EXOC2: variants seen among roughly 807,000 people sequenced by gnomAD.
EXOC2 encodes the protein exocyst complex component 2, also known as SEC5-like 1.
EXOC2 carries 70 observed loss-of-function variants against 131.8 expected under a neutral mutation model. That is an observed-to-expected ratio of 0.53 (90% CI 0.44 to 0.65). The LOEUF is 0.65. EXOC2 is among the 30% of genes least tolerant of loss of function. The pLI is 0.00. For missense variants in EXOC2, 923 were observed against 1,108.6 expected (o/e 0.83, Z 2.38); for synonymous variants, 411 against 398.4 (o/e 1.03, Z -0.38).
chr6:528,716 A>C (rs535012383), intron 23 of EXOC2, among the ~76,000 whole-genome samples: 3 of 152,358 alleles, frequency 2.0e-5, no homozygotes, highest in African/African-American at 7.2e-5. Context: ...TCACACAGCC[A>C]GAAGAATCTT....
Position 658,631 on chromosome 6 carries a change from T to A in EXOC2, c.-43-20770A>T, listed in dbSNP as rs533252487. On this transcript the variant is annotated intron_variant, in intron 1 of 27. Transcript: ENST00000230449. Reference sequence around the variant, plus strand: ...CAAGATAATTTCAGGATATTTAAAATATATATATATATTTTATATATATAT... The same window carrying A: ...CAAGATAATTTCAGGATATTTAAAAAATATATATATATTTTATATATATAT... Among the ~76,000 whole-genome samples, 12 of 129,546 alleles carry A rather than the reference T, an allele frequency of 9.3e-5. No individual in the cohort carries two copies. In the South Asian group the frequency reaches 2.2e-3, roughly 24 times the overall value. 85.0% of individuals were successfully genotyped at this position (129,546 alleles called of 152,430 possible). A position where few individuals can be genotyped will look rare whatever the true frequency, so the allele number is the denominator to read the frequency against.
intron 4 of EXOC2, among the ~76,000 whole-genome samples, chr6:629,621 A>G (rs1761743930): frequency 6.6e-6 from 1 of 152,228 alleles, no homozygotes; most frequent in Non-Finnish European, 1.5e-5. Context: ...CTGAAGAGGT[A>G]AAAGTAGTTT....
chr6:517,057 C>A (rs1421461787), intron 23 of EXOC2, among the ~76,000 whole-genome samples: 2 of 152,116 alleles, frequency 1.3e-5, no homozygotes, highest in African/African-American at 4.8e-5. Context: ...CTGCCACAGC[C>A]CGCCCAGCTG....
At chr6:678,702 C>T (rs1764263781) in intron 1 of EXOC2, among the ~76,000 whole-genome samples, 1 of 152,188 alleles carries the variant, frequency 6.6e-6, no homozygotes, top group South Asian at 2.1e-4. Context: ...CATGGGGCTC[C>T]AGGGCAACAG....
intron 22 of EXOC2, among the ~76,000 whole-genome samples, chr6:548,052 A>G (rs568807012): frequency 2.0e-5 from 3 of 152,224 alleles, no homozygotes; most frequent in Non-Finnish European, 2.9e-5. Flanking sequence ...TGTTATATAA[A>G]AACAAAGCAA....
chr6:573,008 G>A (rs968925803), intron 12 of EXOC2, among the ~76,000 whole-genome samples: 4 of 152,280 alleles, frequency 2.6e-5, no homozygotes, highest in South Asian at 2.1e-4. Flanking sequence ...AAAAAGTCCC[G>A]CCTTCTAACA....
In EXOC2 at chr6:660,414, A is replaced by C. The variant is rs566856033; in HGVS notation, c.-43-22553T>G. Among the ~76,000 whole-genome samples the C allele has an allele frequency of 2.0e-5, 3 of 152,200 alleles. No homozygotes were observed. In the South Asian group the frequency reaches 6.2e-4, roughly 32 times the overall value. On this transcript the variant is annotated intron_variant, in intron 1 of 27. Coordinates refer to ENST00000230449, the MANE Select transcript of EXOC2 (RefSeq NM_018303.6). ...GTCCATTGCACCCTCCGCCACCTCC[A>C]CTGGAACAGGCGCTGATATTCACAT...
chr6:521,140 C>T (rs1765440660), intron 23 of EXOC2, among the ~76,000 whole-genome samples: 2 of 148,850 alleles, frequency 1.3e-5, no homozygotes, highest in Admixed American at 6.7e-5. Flanking sequence ...CGAGTGCCTA[C>T]ACTCACTGTC....
intron 1 of EXOC2, among the ~76,000 whole-genome samples, chr6:652,432 A>G (rs1762876245): frequency 6.6e-6 from 1 of 152,200 alleles, no homozygotes; most frequent in Non-Finnish European, 1.5e-5. Context: ...TTTTATCACC[A>G]AATCTAGTAG....
intron 7 of EXOC2, among the ~76,000 whole-genome samples, chr6:603,264 A>G (rs1760201745): frequency 6.6e-6 from 1 of 152,216 alleles, no homozygotes; most frequent in African/African-American, 2.4e-5. Context: ...GGTGCCTGGA[A>G]TATCAGAGTA....
At chr6:687,526 G>A (rs1209244541) in intron 1 of EXOC2, among the ~76,000 whole-genome samples, 2 of 152,100 alleles carry the variant, frequency 1.3e-5, no homozygotes, top group Non-Finnish European at 1.5e-5. Context: ...CCGTCAAGAT[G>A]ATTTGCGATA....
chr6:491,151 C>G lies in EXOC2; in HGVS notation c.2595G>C (p.Val865=). The stretch of plus-strand genomic sequence containing the variant: ...TGCTTTCGGGTGTCAGGTAAACAGC[C>G]ACAGTGTCCCTCAAAGCACAGATTT... ...RLEICALRDT[V]AVYLTPESKS... Residue 865 remains valine (V), a synonymous_variant, in exon 26 of 28, where the codon GTG becomes GTC. Transcript: ENST00000230449. 1 of 1,614,096 alleles carries G rather than the reference C, an allele frequency of 6.2e-7. No individual in the cohort carries two copies. Among genetic ancestry groups the G allele is most frequent in the Non-Finnish European group, 8.5e-7 (1 of 1,180,012 alleles).
intron 1 of EXOC2, among the ~76,000 whole-genome samples, chr6:645,920 G>C (rs1762560694): frequency 6.6e-6 from 1 of 152,200 alleles, no homozygotes. Context: ...AAAGGCCACA[G>C]AGCCAGACTG....
intron 4 of EXOC2, 124 bp from the exon 5 acceptor site, chr6:619,667 T>A (rs1761188374): frequency 8.6e-6 from 5 of 582,112 alleles, no homozygotes; most frequent in Non-Finnish European, 1.5e-5. Flanking sequence ...ATATTAATCA[T>A]ACATTACCCA....
rs139606835 is a variant in EXOC2, at chr6:656,718, T to C, written c.-43-18857A>G. ...CGCCGTCAGCTCCAGGTGGATCTCA[T>C]CGAGATCTTCCGAGACACCTTCCAT... On this transcript the variant is annotated intron_variant, in intron 1 of 27. Transcript: ENST00000230449. 7.0e-5 allele frequency: 112 copies of C among 1,598,964 alleles called. No homozygotes were observed. In the African/African-American group the frequency reaches 1.3e-3, roughly 19 times the overall value.
chr6:510,204 A>G (rs1486424905), intron 23 of EXOC2, among the ~76,000 whole-genome samples: 2 of 152,208 alleles, frequency 1.3e-5, no homozygotes, highest in Admixed American at 6.5e-5. Flanking sequence ...TGGACTAACT[A>G]AAGAGTTTTA....
chr6:683,860 G>A (rs1043512247), intron 1 of EXOC2, among the ~76,000 whole-genome samples: 1 of 152,190 alleles, frequency 6.6e-6, no homozygotes, highest in Non-Finnish European at 1.5e-5. Context: ...TTTCTGAGCC[G>A]TGAGGGATTA....
Position 689,853 on chromosome 6 carries a change from T to C in EXOC2, c.-44+3166A>G, listed in dbSNP as rs185047952. On this transcript the variant is annotated intron_variant, in intron 1 of 27. Transcript: ENST00000230449. ...TGCTATAAGACAAGTGCTAGGTGGTTATAGGATTCACTGAGTTGGAAAATT... is the reference window on the plus strand; with the variant it reads ...TGCTATAAGACAAGTGCTAGGTGGTCATAGGATTCACTGAGTTGGAAAATT... Among the ~76,000 whole-genome samples the C allele has an allele frequency of 2.0e-5, 3 of 152,274 alleles. No homozygotes were observed. The East Asian group carries it at 5.8e-4, about 29-fold the overall frequency.
intron 4 of EXOC2, among the ~76,000 whole-genome samples, chr6:625,942 T>C (rs907228751): frequency 9.8e-5 from 15 of 152,286 alleles, no homozygotes; most frequent in South Asian, 4.1e-4. Flanking sequence ...TCCTACACAT[T>C]ACCCATAAAT....
Sources: gnomAD v4.1 joint callset for allele counts (sites outside exome capture counted in the v4.1 genomes callset) on GRCh38, gnomAD v4.1.1 for gene constraint, MANE v1.5 for transcripts, NCBI Gene and HGNC (gene_info 2026-07-23, HGNC 2026-07-21) for gene names.